UBN1: variants seen among roughly 807,000 people sequenced by gnomAD.
UBN1 encodes ubinuclein 1, also known as ubinuclein-1.
A neutral mutation model predicts 108.5 loss-of-function variants in UBN1; 17 were observed. The ratio of observed to expected loss-of-function variants is 0.16; its 90% CI spans 0.11 to 0.24. The LOEUF is 0.24. Ranked by LOEUF, UBN1 falls within the 10% of genes least tolerant of loss-of-function variation. UBN1 has a pLI of 1.00. For synonymous variants in UBN1, 726 were observed against 564.2 expected, an observed-to-expected ratio of 1.29 and a Z score of -4.07; for missense variants, 1,595 against 1,394.4, an observed-to-expected ratio of 1.14 and a Z score of -2.29.
intron 12 of UBN1, chr16:4,872,260 T>C (rs1242591187): frequency 1.0e-6 from 1 of 985,290 alleles, no homozygotes; most frequent in Non-Finnish European, 1.2e-6. Context: ...CCACATTTTA[T>C]TCCTGGAATG....
rs774834224 is a variant in UBN1, at chr16:4,857,960, CTT to C, written c.250-29_250-28del. 25 of 1,517,900 alleles carry C rather than the reference CTT, an allele frequency of 1.6e-5. No individual in the cohort carries two copies. The East Asian group carries it at 4.7e-4, about 29-fold the overall frequency. 94.0% of individuals were successfully genotyped at this position (1,517,900 alleles called of 1,614,324 possible). ...ATAAGAACATGGGAATATTTTCTGA[CTT>C]ATTTTTTGTGGAACGATCTCTTTAC... On this transcript the variant is annotated intron_variant, in intron 2 of 17. Coordinates refer to ENST00000262376, the MANE Select transcript of UBN1 (RefSeq NM_001079514.3).
At chr16:4,853,405 C>G (rs538576468) in intron 2 of UBN1, among the ~76,000 whole-genome samples, 12 of 152,196 alleles carry the variant, frequency 7.9e-5, no homozygotes, top group Admixed American at 7.8e-4. Context: ...TTTTCTCTGC[C>G]AAGGTTATAA....
At chr16:4,869,704 C>G (rs2087519716) in intron 8 of UBN1, among the ~76,000 whole-genome samples, 1 of 152,152 alleles carries the variant, frequency 6.6e-6, no homozygotes, top group Non-Finnish European at 1.5e-5. Context: ...CAACAAGGAA[C>G]CTGCTTGAGC....
Position 4,852,887 on chromosome 16 carries a change from C to A in UBN1, c.-31C>A, listed in dbSNP as rs1165196213. On this transcript the variant is annotated 5_prime_UTR_variant, in exon 2 of 18. It introduces an in-frame stop codon into an upstream open reading frame of the 5' UTR. Transcript: ENST00000262376. ...CTTTTCAATGTTAACAGAAGCCATGCAGTGACACCCGCTAAGACTTGTTGG... is the reference window on the plus strand; with the variant it reads ...CTTTTCAATGTTAACAGAAGCCATGAAGTGACACCCGCTAAGACTTGTTGG... 1.3e-6 allele frequency: 2 copies of A among 1,594,842 alleles called. No individual in the cohort carries two copies. Among genetic ancestry groups the A allele is most frequent in the Admixed American group, 1.7e-5 (1 of 57,968 alleles).
rs1350065127 is a variant in UBN1 at position 4,870,597 on chromosome 16, G to A, written c.1393G>A (p.Asp465Asn). ...AMPEQMAKYQ[D>N]ECQAHTQAKV... ...GCCAGAGCAGATGGCCAAGTACCAG[G>A]ACGAATGCCAGGCACACACGCAGGC... Residue 465 changes from aspartate to asparagine, a missense_variant, in exon 10 of 18, where the codon GAC becomes AAC. Around this residue, in one of 3 missense-constraint regions of UBN1, gnomAD observed 1,398 missense variants for 1,194.7 expected, o/e 1.17. Coordinates refer to ENST00000262376, the MANE Select transcript of UBN1 (RefSeq NM_001079514.3). 1 of 1,614,090 alleles carries A rather than the reference G, an allele frequency of 6.2e-7. No individual in the cohort carries two copies. The highest frequency in any genetic ancestry group is 8.5e-7 in the Non-Finnish European group (1 of 1,180,050).
intron 12 of UBN1, among the ~76,000 whole-genome samples, chr16:4,871,745 C>G (rs567195435): frequency 6.6e-6 from 1 of 152,022 alleles, no homozygotes; most frequent in Non-Finnish European, 1.5e-5. Flanking sequence ...TGCCACCATG[C>G]CCGGCTAATT....
chr16:4,869,025 AAAG>A, intron 8 of UBN1, 122 bp downstream of exon 8: 1 of 902,830 alleles, frequency 1.1e-6, no homozygotes, highest in Non-Finnish European at 1.6e-6. Flanking sequence ...CAAGGAGATA[AAAG>A]AAGAATTGGA....
At chr16:4,870,718 C>T (rs1237660134) in intron 10 of UBN1, 84 bp downstream of exon 10, 3 of 1,586,460 alleles carry the variant, frequency 1.9e-6, no homozygotes, top group South Asian at 2.3e-5. Context: ...TGCCGTTTCC[C>T]AAGGAGCCTC....
chr16:4,870,599 C>T lies in UBN1; in HGVS notation c.1395C>T (p.Asp465=), dbSNP rs201597526. Residue 465 remains aspartate, a synonymous_variant, in exon 10 of 18, where the codon GAC becomes GAT. Transcript: ENST00000262376. ...AMPEQMAKYQ[D]ECQAHTQAKV... Reference sequence around the variant, plus strand: ...CAGAGCAGATGGCCAAGTACCAGGACGAATGCCAGGCACACACGCAGGCAA... The same window carrying T: ...CAGAGCAGATGGCCAAGTACCAGGATGAATGCCAGGCACACACGCAGGCAA... 2.5e-5 allele frequency: 40 copies of T among 1,614,208 alleles called. No individual in the cohort carries two copies. The highest frequency in any genetic ancestry group is 5.0e-5 in the Admixed American group (3 of 60,030).
In UBN1 at chr16:4,870,313, G is replaced by A. The variant is rs369212734; in HGVS notation, c.1283G>A (p.Arg428His). 1.1e-4 allele frequency: 181 copies of A among 1,614,154 alleles called. 1 individual carries two copies. In the Middle Eastern group the frequency reaches 2.0e-3, roughly 18 times the overall value. ...LPCSKDALLK[R>H]ARKLHLYEQG... ...TGCAGCAAGGATGCCCTGCTCAAGC[G>A]TGCTCGGAAACTTCACCTCTATGAA... The change falls in exon 9 of 18, where the codon CGT (arginine) becomes CAT (histidine). Residue 428 changes from arginine to histidine, a missense_variant. Physicochemically the swap from Arg to His is conservative, Grantham distance 29. Transcript: ENST00000262376.
chr16:4,859,381 A>G (rs943051322), intron 5 of UBN1, among the ~76,000 whole-genome samples: 1 of 152,152 alleles, frequency 6.6e-6, no homozygotes, highest in East Asian at 1.9e-4. Context: ...TCCATGTCAC[A>G]TGACATCCCA....
intron 14 of UBN1, 86 bp from the exon 15 acceptor site, chr16:4,874,125 C>G (rs573132428): frequency 3.4e-6 from 5 of 1,467,290 alleles, no homozygotes; most frequent in Non-Finnish European, 3.6e-6. Flanking sequence ...TTTTTTGACT[C>G]GAGTTCACAT....
intron 8 of UBN1, among the ~76,000 whole-genome samples, chr16:4,869,466 TC>T (rs1313576068): frequency 2.0e-5 from 3 of 152,244 alleles, no homozygotes; most frequent in Admixed American, 2.0e-4. Context: ...GAAAAGTGAA[TC>T]CTTGTGGCCT....
chr16:4,847,575 G>T lies in UBN1; in HGVS notation c.-675G>T. Reference sequence around the variant, plus strand: ...GGTGCGACCGGCTGAGCGCGAGAGGGAGCCGGCCTCGCGGCTCGCCCCGCC... The same window carrying T: ...GGTGCGACCGGCTGAGCGCGAGAGGTAGCCGGCCTCGCGGCTCGCCCCGCC... On this transcript the variant is annotated 5_prime_UTR_variant, in exon 1 of 18. Transcript: ENST00000262376. 1 of 389,630 alleles carries T rather than the reference G, an allele frequency of 2.6e-6. No homozygotes were observed. Among genetic ancestry groups the T allele is most frequent in the Admixed American group, 5.1e-5 (1 of 19,720 alleles). 24.1% of individuals were successfully genotyped at this position (389,630 alleles called of 1,614,324 possible).
chr16:4,848,607 C>T (rs2086339156), intron 1 of UBN1, among the ~76,000 whole-genome samples: 1 of 152,208 alleles, frequency 6.6e-6, no homozygotes, highest in Non-Finnish European at 1.5e-5. Flanking sequence ...CCTGATTTTT[C>T]TTGGGAGATC....
At position 4,880,978 on chromosome 16, in the gene UBN1, G is replaced by C. The variant is rs758877140; in HGVS notation, c.*846G>C. The C allele has an allele frequency of 6.6e-6, 1 of 152,438 alleles. No individual in the cohort carries two copies. The allele number at this position is 152,438 out of a possible 1,614,324, so 9.4% of individuals were successfully genotyped here. The stretch of plus-strand genomic sequence containing the variant: ...TTTAAAGATATGTCTGTATTGAAGA[G>C]AAAGCCAGTTTTGAGTTTTTTACAC... On this transcript the variant is annotated 3_prime_UTR_variant, in exon 18 of 18. Transcript: ENST00000262376.
intron 12 of UBN1, chr16:4,872,390 T>C (rs778677646): frequency 1.1e-5 from 11 of 980,760 alleles, no homozygotes; most frequent in Non-Finnish European, 1.3e-5. Context: ...GCAGCCAGTG[T>C]GTCCCATTGA....
At chr16:4,858,500 G>T in intron 3 of UBN1, 68 bp from the exon 4 acceptor site, 1 of 1,448,128 alleles carries the variant, frequency 6.9e-7, no homozygotes, top group Non-Finnish European at 9.6e-7. Context: ...AGCTGATGAA[G>T]TTCAAGGCCA....
rs2087787940 is a variant in UBN1 at position 4,874,483 on chromosome 16, T to G, written c.2073T>G (p.Ser691=). ...TGAATAGCAGAGCAGCTGGGAACTCTGAATTCACACTGCCTGCACCCTCAA... is the reference window on the plus strand; with the variant it reads ...TGAATAGCAGAGCAGCTGGGAACTCGGAATTCACACTGCCTGCACCCTCAA... ...AALNSRAAGN[S]EFTLPAPSKA... The change falls in exon 15 of 18, where the codon TCT becomes TCG. Residue 691 remains serine, a synonymous_variant. Transcript: ENST00000262376. The G allele has an allele frequency of 6.2e-7, 1 of 1,614,212 alleles. No individual in the cohort carries two copies. The highest frequency in any genetic ancestry group is 8.5e-7 in the Non-Finnish European group (1 of 1,180,040).
Sources: allele counts gnomAD v4.1 joint callset (sites outside exome capture counted in the v4.1 genomes callset), GRCh38; gene constraint gnomAD v4.1.1; regional missense constraint gnomAD v4.1.1; transcripts MANE v1.5; gene names NCBI Gene and HGNC (gene_info 2026-07-23, HGNC 2026-07-21).